The following RAB11FIP3 variants were observed in gnomAD, a reference collection of about 807,000 sequenced individuals.
RAB11FIP3 encodes the protein RAB11 family interacting protein 3, also known as rab11 family-interacting protein 3.
A neutral mutation model predicts 77.8 loss-of-function variants in RAB11FIP3; 17 were observed. The ratio of observed to expected loss-of-function variants is 0.22; its 90% CI spans 0.15 to 0.33. RAB11FIP3 has a LOEUF of 0.33. Ranked by LOEUF, RAB11FIP3 falls within the 10% of genes least tolerant of loss-of-function variation. The pLI is 1.00. For missense variants in RAB11FIP3, 1,005 were observed against 1,011.2 expected (o/e 0.99, Z 0.08); for synonymous variants, 437 against 448.2 (o/e 0.98, Z 0.31).
intron 1 of RAB11FIP3, among the ~76,000 whole-genome samples, chr16:442,983 G>C (rs2055251832): frequency 6.6e-6 from 1 of 152,086 alleles, no homozygotes; most frequent in Non-Finnish European, 1.5e-5. Flanking sequence ...TTTGCTGTTG[G>C]AAATGAAAAG....
intron 3 of RAB11FIP3, chr16:477,596 C>T (rs1260828860): frequency 4.1e-6 from 4 of 984,586 alleles, no homozygotes; most frequent in Non-Finnish European, 4.8e-6. Flanking sequence ...CACAGGCCAG[C>T]CCTGTCCTGA....
At chr16:497,625 C>T (rs759148027) in intron 6 of RAB11FIP3, among the ~76,000 whole-genome samples, 10 of 152,190 alleles carry the variant, frequency 6.6e-5, no homozygotes, top group Non-Finnish European at 1.0e-4. Flanking sequence ...TGGTCCTGGA[C>T]AGGTCTCCCC....
rs1160605216 is a variant in RAB11FIP3 at position 426,954 on chromosome 16, C to T, written c.714+234C>T. Among the ~76,000 whole-genome samples, 1 of 152,094 alleles carries T rather than the reference C, an allele frequency of 6.6e-6. No homozygotes were observed. The highest frequency in any genetic ancestry group is 1.5e-5 in the Non-Finnish European group (1 of 68,014). Reference sequence around the variant, plus strand: ...TCTATTCTGGGGAGTCAGTTTCTTCCCCTCCCCCCAGCGCCTCGTCAGCTG... The same window carrying T: ...TCTATTCTGGGGAGTCAGTTTCTTCTCCTCCCCCCAGCGCCTCGTCAGCTG... On this transcript the variant is annotated intron_variant, in intron 1 of 13. Transcript: ENST00000262305. This position sits in a 1 kb window ranked among gnomAD's most constrained non-coding sequence, Gnocchi z 5.0.
chr16:511,591 C>G (rs1176354083), intron 9 of RAB11FIP3, among the ~76,000 whole-genome samples: 4 of 70,298 alleles, frequency 5.7e-5, no homozygotes, highest in Non-Finnish European at 1.0e-4. Flanking sequence ...AGAAGTTCCC[C>G]GACGGCCCGC....
At chr16:431,242 G>A (rs1015419627) in intron 1 of RAB11FIP3, among the ~76,000 whole-genome samples, 15 of 152,142 alleles carry the variant, frequency 9.9e-5, no homozygotes, top group African/African-American at 3.4e-4. Flanking sequence ...GCAGGTGAGT[G>A]TATGTATTCT....
intron 6 of RAB11FIP3, among the ~76,000 whole-genome samples, chr16:498,868 G>A (rs1352921968): frequency 1.3e-5 from 2 of 149,806 alleles, no homozygotes; most frequent in Non-Finnish European, 3.0e-5. Context: ...AGAGGTGAAC[G>A]TCATCATGCA....
In RAB11FIP3 at chr16:472,246, G is replaced by C. The variant is rs1283101675; in HGVS notation, c.903+857G>C. On this transcript the variant is annotated intron_variant, in intron 3 of 13. Coordinates refer to ENST00000262305, the MANE Select transcript of RAB11FIP3 (RefSeq NM_014700.4). The surrounding 1 kb of genome is among the most constrained non-coding windows in gnomAD (Gnocchi z 4.1). Reference sequence around the variant, plus strand: ...TTCCCTGTTCCGAGAAGCTGCCCCAGGGATTAGTCACCCTCACCCTTGGGT... The same window carrying C: ...TTCCCTGTTCCGAGAAGCTGCCCCACGGATTAGTCACCCTCACCCTTGGGT... Among the ~76,000 whole-genome samples, 7 of 152,248 alleles carry C rather than the reference G, an allele frequency of 4.6e-5. No homozygotes were observed. Among genetic ancestry groups the C allele is most frequent in the African/African-American group, 1.4e-4 (6 of 41,474 alleles).
At chr16:459,635 C>T (rs915182956) in intron 1 of RAB11FIP3, among the ~76,000 whole-genome samples, 1 of 151,828 alleles carries the variant, frequency 6.6e-6, no homozygotes, top group South Asian at 2.1e-4. Context: ...TGGGGTTTTG[C>T]CATGTTGGCC....
At chr16:443,830 C>A (rs1292555379) in intron 1 of RAB11FIP3, among the ~76,000 whole-genome samples, 4 of 152,236 alleles carry the variant, frequency 2.6e-5, no homozygotes, top group Non-Finnish European at 5.9e-5. Flanking sequence ...TCCCAAAGTG[C>A]TGGGATTACA....
intron 1 of RAB11FIP3, among the ~76,000 whole-genome samples, chr16:432,206 A>G (rs200832706): frequency 6.6e-6 from 1 of 152,118 alleles, no homozygotes; most frequent in Non-Finnish European, 1.5e-5. Context: ...GTGAAACCCC[A>G]TCTCTACTAA....
chr16:459,320 T>C (rs1567368794), intron 1 of RAB11FIP3, among the ~76,000 whole-genome samples: 1 of 151,944 alleles, frequency 6.6e-6, no homozygotes, highest in Non-Finnish European at 1.5e-5. Context: ...GAGATGGGGT[T>C]TCTCCACGTT....
chr16:428,196 G>A lies in RAB11FIP3; in HGVS notation c.714+1476G>A, dbSNP rs138287325. Among the ~76,000 whole-genome samples, 4 of 152,216 alleles carry A rather than the reference G, an allele frequency of 2.6e-5. No individual in the cohort carries two copies. The East Asian group carries it at 5.8e-4, about 22-fold the overall frequency. On this transcript the variant is annotated intron_variant, in intron 1 of 13. Coordinates refer to ENST00000262305, the MANE Select transcript of RAB11FIP3 (RefSeq NM_014700.4). ...ATTAAGAAGATGTGCAGACAGGTGC[G>A]TGCGGGGCAGCCTGCAATGCTCGCA...
intron 5 of RAB11FIP3, among the ~76,000 whole-genome samples, chr16:492,560 T>C (rs906620523): frequency 9.8e-6 from 1 of 102,348 alleles, no homozygotes; most frequent in Non-Finnish European, 1.7e-5. Flanking sequence ...ATTCCAAAGA[T>C]CCGCTAACCT....
chr16:451,076 A>G (rs1260004435), intron 1 of RAB11FIP3, among the ~76,000 whole-genome samples: 1 of 152,118 alleles, frequency 6.6e-6, no homozygotes, highest in Non-Finnish European at 1.5e-5. Flanking sequence ...CTGTTTTCCA[A>G]GTATTCTCAT....
chr16:469,633 G>T (rs1473345671), intron 2 of RAB11FIP3, among the ~76,000 whole-genome samples: 1 of 151,768 alleles, frequency 6.6e-6, no homozygotes, highest in African/African-American at 2.4e-5. Context: ...TAAGTGATCC[G>T]CCCGCCTCGG....
intron 3 of RAB11FIP3, among the ~76,000 whole-genome samples, chr16:479,434 G>A (rs943697139): frequency 6.6e-6 from 1 of 151,992 alleles, no homozygotes; most frequent in Non-Finnish European, 1.5e-5. Context: ...AATTGGTTGC[G>A]ATGGCTCACA....
At chr16:428,097 T>A (rs2054980903) in intron 1 of RAB11FIP3, among the ~76,000 whole-genome samples, 1 of 97,002 alleles carries the variant, frequency 1.0e-5, no homozygotes. Flanking sequence ...CGAGACTTCG[T>A]CTCAAAAAAA....
At chr16:431,943 G>A (rs772060666) in intron 1 of RAB11FIP3, among the ~76,000 whole-genome samples, 8 of 151,884 alleles carry the variant, frequency 5.3e-5, no homozygotes, top group Non-Finnish European at 8.8e-5. Flanking sequence ...ATTTTTATTA[G>A]AGATGAGGTT....
At chr16:451,714 A>T (rs541162229) in intron 1 of RAB11FIP3, among the ~76,000 whole-genome samples, 66 of 152,254 alleles carry the variant, frequency 4.3e-4, no homozygotes, top group Admixed American at 8.5e-4. Context: ...GTGTGCCTAT[A>T]ATCCTAGCTC....
Sources: gnomAD v4.1 joint callset for allele counts (sites outside exome capture counted in the v4.1 genomes callset) on GRCh38, gnomAD v4.1.1 for gene constraint, Gnocchi (gnomAD v3.1) non-coding constraint, MANE v1.5 for transcripts, NCBI Gene and HGNC (gene_info 2026-07-23, HGNC 2026-07-21) for gene names.